CDH18: variants seen among roughly 807,000 people sequenced by gnomAD.
CDH18 encodes the protein cadherin-18.
CDH18 carries 31 observed loss-of-function variants against 67.9 expected under a neutral mutation model. The observed-to-expected ratio is 0.46, with a 90% CI of 0.34 to 0.62. The LOEUF is 0.62. Ranked by LOEUF, CDH18 falls within the 20% of genes least tolerant of loss-of-function variation. CDH18 has a pLI of 0.01. For synonymous variants in CDH18, 362 were observed against 347.2 expected, an observed-to-expected ratio of 1.04 and a Z score of -0.48; for missense variants, 890 against 975.5, an observed-to-expected ratio of 0.91 and a Z score of 1.17.
In CDH18 at chr5:20,161,392, C is replaced by G. The variant is rs541480492; in HGVS notation, c.-518+94052G>C. ...GCATTCCTACAAACAAACTTCATGTCTTAGTGCTCACCATACACTTGCTGG... is the reference window on the plus strand; with the variant it reads ...GCATTCCTACAAACAAACTTCATGTGTTAGTGCTCACCATACACTTGCTGG... On this transcript the variant is annotated intron_variant, in intron 2 of 14. Transcript: ENST00000507958. 2.0e-5 allele frequency among the ~76,000 whole-genome samples: 3 copies of G among 152,252 alleles called. No homozygotes were observed. In the South Asian group the frequency reaches 6.2e-4, roughly 32 times the overall value.
At chr5:19,952,700 T>C (rs1388527837) in intron 2 of CDH18, among the ~76,000 whole-genome samples, 2 of 152,142 alleles carry the variant, frequency 1.3e-5, no homozygotes, top group Non-Finnish European at 2.9e-5. Context: ...TTACAACACA[T>C]AGAACTGGCC....
chr5:19,975,157 A>G (rs1798382885), intron 2 of CDH18, among the ~76,000 whole-genome samples: 1 of 152,304 alleles, frequency 6.6e-6, no homozygotes, highest in Non-Finnish European at 1.5e-5. Context: ...AACTAAATCA[A>G]TAAGTTATAT....
At chr5:20,494,831 A>T (rs1030860497) in intron 1 of CDH18, among the ~76,000 whole-genome samples, 1 of 152,040 alleles carries the variant, frequency 6.6e-6, no homozygotes, top group Non-Finnish European at 1.5e-5. Context: ...TATTACCAAG[A>T]AGTAGCGGAG....
chr5:20,294,913 C>T (rs7725720), intron 1 of CDH18, among the ~76,000 whole-genome samples: 17,092 of 152,018 alleles, frequency 0.11, 1,398 homozygotes, highest in African/African-American at 0.22. Context: ...AGTATAGTCA[C>T]TTAAAGGCTT....
intron 7 of CDH18, among the ~76,000 whole-genome samples, chr5:19,573,433 C>T (rs1352152124): frequency 6.6e-6 from 1 of 152,094 alleles, no homozygotes; most frequent in Non-Finnish European, 1.5e-5. Context: ...CGCCTGCCGC[C>T]ACGCCCGGCT....
intron 5 of CDH18, among the ~76,000 whole-genome samples, chr5:19,687,088 G>C (rs1761195853): frequency 1.3e-5 from 2 of 152,162 alleles, no homozygotes; most frequent in African/African-American, 4.8e-5. Flanking sequence ...CAACTAATTT[G>C]GCTGTGATCA....
chr5:20,335,767 C>T (rs1739668390), intron 1 of CDH18, among the ~76,000 whole-genome samples: 1 of 152,040 alleles, frequency 6.6e-6, no homozygotes, highest in Non-Finnish European at 1.5e-5. Context: ...ATTTGTTCAT[C>T]AGAGAAATGA....
intron 5 of CDH18, among the ~76,000 whole-genome samples, chr5:19,713,948 TGCACTGTA>T (rs1216994785): frequency 3.3e-5 from 5 of 152,124 alleles, no homozygotes; most frequent in African/African-American, 9.7e-5. Flanking sequence ...GCCTGGGCAG[TGCACTGTA>T]CTATGAAGGT....
At chr5:20,249,768 A>C (rs1743687065) in intron 2 of CDH18, among the ~76,000 whole-genome samples, 1 of 152,248 alleles carries the variant, frequency 6.6e-6, no homozygotes, top group Non-Finnish European at 1.5e-5. Flanking sequence ...TCAATCATTA[A>C]TTTAAAGTGA....
At chr5:19,975,033 T>A (rs1440573362) in intron 2 of CDH18, among the ~76,000 whole-genome samples, 1 of 152,152 alleles carries the variant, frequency 6.6e-6, no homozygotes, top group Non-Finnish European at 1.5e-5. Context: ...GAAGGAAATG[T>A]CATATAAAAA....
chr5:19,989,906 T>A (rs1214078473), upstream of CDH18, among the ~76,000 whole-genome samples: 1 of 152,172 alleles, frequency 6.6e-6, no homozygotes, highest in Non-Finnish European at 1.5e-5. Context: ...TAGAAGTCAA[T>A]TAGAATTTGG....
At chr5:20,541,923 T>A (rs10077843) in intron 1 of CDH18, among the ~76,000 whole-genome samples, 2 of 152,106 alleles carry the variant, frequency 1.3e-5, no homozygotes, top group African/African-American at 4.8e-5. Flanking sequence ...GGTTATTGAA[T>A]ATCTCAAAGT....
chr5:19,779,975 A>G (rs1774908329), intron 3 of CDH18, among the ~76,000 whole-genome samples: 1 of 152,140 alleles, frequency 6.6e-6, no homozygotes. Flanking sequence ...TGAATTTTAA[A>G]ATTATATATC....
At chr5:19,584,333 G>A (rs575463680) in intron 7 of CDH18, among the ~76,000 whole-genome samples, 4 of 152,128 alleles carry the variant, frequency 2.6e-5, no homozygotes, top group African/African-American at 4.8e-5. Flanking sequence ...TCCTGCTGGC[G>A]GATTTATAGA....
intron 1 of CDH18, among the ~76,000 whole-genome samples, chr5:20,363,855 T>G (rs1245735667): frequency 6.6e-6 from 1 of 152,168 alleles, no homozygotes; most frequent in Non-Finnish European, 1.5e-5. Context: ...CCAGCTACCT[T>G]GCTGAACCCT....
chr5:19,649,194 T>C (rs577377727), intron 5 of CDH18, among the ~76,000 whole-genome samples: 65 of 152,304 alleles, frequency 4.3e-4, no homozygotes, highest in African/African-American at 1.5e-3. Context: ...CCTGTGCTCT[T>C]TAATATATTT....
intron 4 of CDH18, among the ~76,000 whole-genome samples, chr5:19,743,021 G>A (rs909287434): frequency 3.9e-5 from 6 of 152,086 alleles, no homozygotes; most frequent in African/African-American, 1.2e-4. Context: ...ACAACCTAGT[G>A]TTTAGAAGCA....
intron 1 of CDH18, among the ~76,000 whole-genome samples, chr5:20,550,175 T>A (rs1431262781): frequency 1.3e-5 from 2 of 152,190 alleles, no homozygotes. Context: ...ATCTGGCTAT[T>A]GTTAATGTGT....
At chr5:19,698,020 T>C (rs186361554) in intron 5 of CDH18, among the ~76,000 whole-genome samples, 1 of 152,316 alleles carries the variant, frequency 6.6e-6, no homozygotes, top group African/African-American at 2.4e-5. Flanking sequence ...TTTTAAATAC[T>C]GTAAATGCTG....
Sources: gnomAD v4.1 joint callset for allele counts (sites outside exome capture counted in the v4.1 genomes callset) on GRCh38, gnomAD v4.1.1 for gene constraint, MANE v1.5 for transcripts, NCBI Gene and HGNC (gene_info 2026-07-23, HGNC 2026-07-21) for gene names.